The following ADCY8 variants were observed in gnomAD, a reference collection of about 807,000 sequenced individuals.
ADCY8 encodes the protein adenylate cyclase type 8.
A neutral mutation model predicts 119.7 loss-of-function variants in ADCY8; 51 were observed. The observed-to-expected ratio is 0.43, with a 90% CI of 0.34 to 0.54. The LOEUF is 0.54. ADCY8 is among the 20% of genes least tolerant of loss of function. ADCY8 has a pLI of 0.03. For missense variants in ADCY8, 1,383 were observed against 1,598.8 expected (o/e 0.87, Z 2.30); for synonymous variants, 665 against 651.0 (o/e 1.02, Z -0.33).
At chr8:130,839,920 A>G (rs893155940) in intron 11 of ADCY8, among the ~76,000 whole-genome samples, 1 of 140,216 alleles carries the variant, frequency 7.1e-6, no homozygotes, top group Admixed American at 7.3e-5. Context: ...AAATTGCGGT[A>G]GGGTAGAATA....
chr8:130,940,988 A>C (rs968378997), intron 4 of ADCY8, among the ~76,000 whole-genome samples: 1 of 152,240 alleles, frequency 6.6e-6, no homozygotes, highest in Non-Finnish European at 1.5e-5. Flanking sequence ...TTTGAATTTT[A>C]TGTAATGAAC....
chr8:130,822,711 C>T (rs1436103239), intron 12 of ADCY8, among the ~76,000 whole-genome samples: 1 of 152,134 alleles, frequency 6.6e-6, no homozygotes, highest in Non-Finnish European at 1.5e-5. Flanking sequence ...TTGTGGACCC[C>T]TGAAAAAAGA....
At chr8:130,843,451 G>A (rs528112833) in intron 11 of ADCY8, among the ~76,000 whole-genome samples, 13 of 152,254 alleles carry the variant, frequency 8.5e-5, no homozygotes, top group African/African-American at 3.1e-4. Context: ...AGGACTCTCA[G>A]CTTAGTATTC....
chr8:130,829,802 T>C (rs1257407701), intron 12 of ADCY8, among the ~76,000 whole-genome samples: 1 of 152,234 alleles, frequency 6.6e-6, no homozygotes, highest in Non-Finnish European at 1.5e-5. Context: ...CCAATGCCAC[T>C]TATCCTAAAA....
chr8:131,019,317 AG>A (rs1823577834), intron 1 of ADCY8, among the ~76,000 whole-genome samples: 1 of 152,240 alleles, frequency 6.6e-6, no homozygotes, highest in Non-Finnish European at 1.5e-5. Flanking sequence ...ATCTATTTAA[AG>A]GCTGTGGAAG....
Position 131,040,529 on chromosome 8 carries a change from A to T in ADCY8, c.-196T>A. 1.9e-6 allele frequency: 1 copy of T among 536,116 alleles called. No homozygotes were observed. Among genetic ancestry groups the T allele is most frequent in the Non-Finnish European group, 2.9e-6 (1 of 350,162 alleles). The allele number at this position is 536,116 out of a possible 1,614,324, so 33.2% of individuals were successfully genotyped here. A position where few individuals can be genotyped will look rare whatever the true frequency, so the allele number is the denominator to read the frequency against. On this transcript the variant is annotated 5_prime_UTR_variant, in exon 1 of 18. Transcript: ENST00000286355. ...TGCCCAGGGGCAAAGGGCACCTGGA[A>T]GATCGCGGCGGACCTCGGCGTCCTT... is the stretch of plus-strand genomic sequence containing the variant.
chr8:130,880,780 G>A (rs1351614353), intron 8 of ADCY8, among the ~76,000 whole-genome samples: 2 of 152,132 alleles, frequency 1.3e-5, no homozygotes, highest in African/African-American at 4.8e-5. Flanking sequence ...TAGAGTGAAG[G>A]GAGGTGATAC....
At chr8:130,953,087 G>T (rs924427242) in intron 2 of ADCY8, among the ~76,000 whole-genome samples, 10 of 152,294 alleles carry the variant, frequency 6.6e-5, no homozygotes, top group African/African-American at 2.4e-4. Context: ...TGGAAACTAG[G>T]CAAGAGGCTG....
chr8:130,853,778 C>T (rs2130335063), intron 9 of ADCY8, among the ~76,000 whole-genome samples: 1 of 152,164 alleles, frequency 6.6e-6, no homozygotes, highest in Admixed American at 6.5e-5. Context: ...GCCATGTGGT[C>T]CAGTGGCAAG....
intron 9 of ADCY8, among the ~76,000 whole-genome samples, chr8:130,855,108 T>G (rs1345928011): frequency 2.6e-5 from 3 of 117,016 alleles, no homozygotes; most frequent in Admixed American, 2.5e-4. Context: ...TGTCTCTCTC[T>G]CTCTCTCTCT....
intron 4 of ADCY8, among the ~76,000 whole-genome samples, chr8:130,939,936 G>T (rs557908895): frequency 9.2e-5 from 14 of 152,302 alleles, no homozygotes; most frequent in African/African-American, 3.4e-4. Flanking sequence ...CTGTGCTACA[G>T]AGGAGCTAGC....
intron 1 of ADCY8, among the ~76,000 whole-genome samples, chr8:131,012,603 G>T (rs750590308): frequency 6.6e-6 from 1 of 152,150 alleles, no homozygotes; most frequent in Non-Finnish European, 1.5e-5. Context: ...GTCCTCCTAG[G>T]ATTGCTTCTG....
chr8:130,914,092 C>T (rs1221227062), intron 5 of ADCY8, among the ~76,000 whole-genome samples: 1 of 152,134 alleles, frequency 6.6e-6, no homozygotes, highest in Admixed American at 6.5e-5. Flanking sequence ...AAATGATTTT[C>T]CCTATGGCCC....
intron 2 of ADCY8, among the ~76,000 whole-genome samples, chr8:130,988,821 T>C (rs371978868): frequency 2.0e-5 from 3 of 152,228 alleles, no homozygotes; most frequent in South Asian, 2.1e-4. Context: ...AAAAGTCTTA[T>C]GGAGATGGTA....
At chr8:130,841,954 C>T (rs1328688071) in intron 11 of ADCY8, among the ~76,000 whole-genome samples, 1 of 152,124 alleles carries the variant, frequency 6.6e-6, no homozygotes, top group African/African-American at 2.4e-5. Context: ...GAATGTCGAG[C>T]AAGGAGGGCA....
intron 15 of ADCY8, among the ~76,000 whole-genome samples, chr8:130,787,490 G>A (rs1815283909): frequency 6.6e-6 from 1 of 152,004 alleles, no homozygotes; most frequent in Non-Finnish European, 1.5e-5. Context: ...GTGTATATGT[G>A]CATATATGTG....
intron 2 of ADCY8, among the ~76,000 whole-genome samples, chr8:130,983,479 G>C (rs1822299327): frequency 6.6e-6 from 1 of 152,208 alleles, no homozygotes; most frequent in African/African-American, 2.4e-5. Context: ...GAAGCAGAGA[G>C]GGAGGGAGAC....
At chr8:130,967,735 G>GATTTTCTCA (rs1208006679) in intron 2 of ADCY8, among the ~76,000 whole-genome samples, 7 of 152,136 alleles carry the variant, frequency 4.6e-5, no homozygotes, top group Admixed American at 2.0e-4. Context: ...AAGGAGTGAA[G>GATTTTCTCA]ATTTTCTCAG....
chr8:130,835,572 G>C (rs1459348290), intron 12 of ADCY8, among the ~76,000 whole-genome samples: 1 of 152,124 alleles, frequency 6.6e-6, no homozygotes, highest in Non-Finnish European at 1.5e-5. Flanking sequence ...TCTCTAAGGA[G>C]TCTGGGTAAG....
Sources: allele counts gnomAD v4.1 joint callset (sites outside exome capture counted in the v4.1 genomes callset), GRCh38; gene constraint gnomAD v4.1.1; transcripts MANE v1.5; gene names NCBI Gene and HGNC (gene_info 2026-07-23, HGNC 2026-07-21).